SUSD6: variants seen among roughly 807,000 people sequenced by gnomAD.
SUSD6 encodes sushi domain-containing protein 6.
In SUSD6, 16 loss-of-function variants were observed where a neutral mutation model predicts 28.4. That is an observed-to-expected ratio of 0.56 (90% CI 0.38 to 0.86). The LOEUF (loss-of-function observed/expected upper bound fraction) is 0.86, where lower values mean the gene tolerates loss of function less well. Among genes scored for constraint, SUSD6 ranks in the 40% least tolerant of loss-of-function variants. The probability of loss-of-function intolerance (pLI) is 0.00; values close to 1 mark genes in which losing one functional copy is unlikely to be tolerated. For missense variants in SUSD6, 341 were observed against 384.2 expected, an observed-to-expected ratio of 0.89 and a Z score of 0.94; for synonymous variants, 147 against 159.6, an observed-to-expected ratio of 0.92 and a Z score of 0.59.
chr14:69,633,504 C>G (rs933709631), intron 1 of SUSD6, among the ~76,000 whole-genome samples: 3 of 152,244 alleles, frequency 2.0e-5, no homozygotes, highest in Non-Finnish European at 2.9e-5. Flanking sequence ...ATTCAGCCCT[C>G]AAAGCTTTCA....
At chr14:69,693,165 G>T (rs1886176621) in intron 2 of SUSD6, among the ~76,000 whole-genome samples, 1 of 152,190 alleles carries the variant, frequency 6.6e-6, no homozygotes, top group Admixed American at 6.5e-5. Flanking sequence ...TCACTGTACT[G>T]ACCTATAGCA....
intron 2 of SUSD6, among the ~76,000 whole-genome samples, chr14:69,695,453 GA>G (rs1404910732): frequency 1.3e-5 from 2 of 152,214 alleles, no homozygotes; most frequent in African/African-American, 4.8e-5. Context: ...GCCAACTTTA[GA>G]CAAATTTGCA....
chr14:69,662,315 C>G (rs1885674977), intron 2 of SUSD6, among the ~76,000 whole-genome samples: 1 of 152,112 alleles, frequency 6.6e-6, no homozygotes, highest in African/African-American at 2.4e-5. Context: ...TCGTAGATAC[C>G]ACAGTCATCA....
intron 1 of SUSD6, among the ~76,000 whole-genome samples, chr14:69,638,353 A>C (rs1885295176): frequency 6.6e-6 from 1 of 151,980 alleles, no homozygotes; most frequent in Admixed American, 6.6e-5. Context: ...AGAAAGACGC[A>C]AAAAGGAAGT....
intron 2 of SUSD6, among the ~76,000 whole-genome samples, chr14:69,681,159 AG>A (rs1410492720): frequency 6.6e-6 from 1 of 152,206 alleles, no homozygotes; most frequent in Non-Finnish European, 1.5e-5. Context: ...GGCAACAACT[AG>A]TCCCTCACCC....
intron 2 of SUSD6, among the ~76,000 whole-genome samples, chr14:69,691,419 T>C (rs1165973359): frequency 2.6e-5 from 4 of 152,186 alleles, no homozygotes; most frequent in African/African-American, 9.7e-5. Context: ...CAAAGACCTA[T>C]GGTGTTTTGC....
At chr14:69,626,969 GC>G (rs2139594716) in intron 1 of SUSD6, among the ~76,000 whole-genome samples, 1 of 152,058 alleles carries the variant, frequency 6.6e-6, no homozygotes, top group African/African-American at 2.4e-5. Context: ...ACAGGCATGA[GC>G]CACTGCAACT....
chr14:69,670,443 G>C (rs1480541004), intron 2 of SUSD6: 1 of 456,758 alleles, frequency 2.2e-6, no homozygotes, highest in East Asian at 6.9e-5. Context: ...GGGGTCTCCT[G>C]ACTCAGCTTG....
chr14:69,697,281 T>C (rs989676890), intron 2 of SUSD6, among the ~76,000 whole-genome samples: 1 of 152,138 alleles, frequency 6.6e-6, no homozygotes, highest in Non-Finnish European at 1.5e-5. Flanking sequence ...CCAACCTGTT[T>C]TATTGGTGTG....
chr14:69,677,344 G>C (rs900828819), intron 2 of SUSD6, among the ~76,000 whole-genome samples: 10 of 152,150 alleles, frequency 6.6e-5, no homozygotes, highest in Non-Finnish European at 1.3e-4. Context: ...AGGAGATCGA[G>C]ACTATCCTGG....
At chr14:69,698,713 G>C (rs1304616726) in intron 2 of SUSD6, among the ~76,000 whole-genome samples, 1 of 152,154 alleles carries the variant, frequency 6.6e-6, no homozygotes, top group Non-Finnish European at 1.5e-5. Context: ...GGAAGTATCA[G>C]CTAGATCATT....
chr14:69,690,977 C>T (rs1434128227), intron 2 of SUSD6, among the ~76,000 whole-genome samples: 2 of 152,154 alleles, frequency 1.3e-5, no homozygotes, highest in Admixed American at 6.5e-5. Context: ...TGGGACCCCA[C>T]CCCCCAGAAT....
chr14:69,712,773 T>TAAGGG lies in SUSD6; in HGVS notation c.*1795_*1799dup, dbSNP rs1886483697. 1 of 152,594 alleles carries TAAGGG rather than the reference T, an allele frequency of 6.6e-6. No homozygotes were observed. Among genetic ancestry groups the TAAGGG allele is most frequent in the Non-Finnish European group, 1.5e-5 (1 of 68,382 alleles). The allele number at this position is 152,594 out of a possible 1,614,324, so 9.5% of individuals were successfully genotyped here. A position where few individuals can be genotyped will look rare whatever the true frequency, so the allele number is the denominator to read the frequency against. On this transcript the variant is annotated 3_prime_UTR_variant, in exon 6 of 6. Transcript: ENST00000342745. Reference sequence around the variant, plus strand: ...TAGTCTTCCTTCCTTCCTCTCAGGGTAAGGGCAGTGCCTGCTGTGCCTGTT... The same window carrying TAAGGG: ...TAGTCTTCCTTCCTTCCTCTCAGGGTAAGGGAAGGGCAGTGCCTGCTGTGCCTGTT...
At chr14:69,702,342 C>A (rs61982060) in intron 2 of SUSD6, among the ~76,000 whole-genome samples, 1 of 152,126 alleles carries the variant, frequency 6.6e-6, no homozygotes, top group South Asian at 2.1e-4. Flanking sequence ...TGGTAATACC[C>A]GGCAGTCCAC....
At chr14:69,660,165 T>C (rs1885641554) in intron 2 of SUSD6, among the ~76,000 whole-genome samples, 1 of 152,226 alleles carries the variant, frequency 6.6e-6, no homozygotes, top group Admixed American at 6.5e-5. Context: ...AGAGCCTCCA[T>C]AGTTTAGTGC....
At chr14:69,682,253 T>A (rs950595240) in intron 2 of SUSD6, among the ~76,000 whole-genome samples, 1 of 152,094 alleles carries the variant, frequency 6.6e-6, no homozygotes, top group Non-Finnish European at 1.5e-5. Flanking sequence ...GGGAGGATCT[T>A]TTGAGCCCAG....
chr14:69,696,764 A>ATC (rs1191991775), intron 2 of SUSD6, among the ~76,000 whole-genome samples: 10 of 152,184 alleles, frequency 6.6e-5, no homozygotes. Flanking sequence ...TGAGAACTTG[A>ATC]AATGTGTTTA....
intron 2 of SUSD6, among the ~76,000 whole-genome samples, chr14:69,687,670 C>T (rs915702446): frequency 3.3e-5 from 5 of 152,206 alleles, no homozygotes; most frequent in Non-Finnish European, 4.4e-5. Flanking sequence ...CACTGGGGTA[C>T]TATTATAATA....
chr14:69,627,452 C>G (rs748704989), intron 1 of SUSD6, among the ~76,000 whole-genome samples: 1 of 152,102 alleles, frequency 6.6e-6, no homozygotes, highest in Non-Finnish European at 1.5e-5. Flanking sequence ...TGGGCCTTAT[C>G]AGAAATTAAA....
Sources: allele counts gnomAD v4.1 joint callset (sites outside exome capture counted in the v4.1 genomes callset), GRCh38; gene constraint gnomAD v4.1.1; transcripts MANE v1.5; gene names NCBI Gene and HGNC (gene_info 2026-07-23, HGNC 2026-07-21).